Variants in SBNO1 observed in about 807,000 individuals in gnomAD.
The protein encoded by SBNO1 is strawberry notch homolog 1, also known as protein strawberry notch homolog 1.
SBNO1 carries 23 observed loss-of-function variants against 173.6 expected under a neutral mutation model. The ratio of observed to expected loss-of-function variants is 0.13; its 90% CI spans 0.10 to 0.19. SBNO1 has a LOEUF of 0.19. SBNO1 is among the 10% of genes least tolerant of loss of function. The pLI is 1.00. For synonymous variants in SBNO1, 632 were observed against 571.5 expected (o/e 1.11, Z -1.51); for missense variants, 1,238 against 1,671.2 (o/e 0.74, Z 4.52).
At chr12:123,359,898 AT>A (rs1404081997) in intron 1 of SBNO1, among the ~76,000 whole-genome samples, 5 of 152,202 alleles carry the variant, frequency 3.3e-5, no homozygotes, top group Non-Finnish European at 7.3e-5. Flanking sequence ...GGATTACATC[AT>A]TTTAGATAGT....
At chr12:123,300,617 C>G (rs926272081) in intron 30 of SBNO1, among the ~76,000 whole-genome samples, 1 of 151,826 alleles carries the variant, frequency 6.6e-6, no homozygotes, top group Non-Finnish European at 1.5e-5. Context: ...GAGATCACAC[C>G]ACTGCACTCC....
intron 16 of SBNO1, among the ~76,000 whole-genome samples, chr12:123,322,813 G>C (rs1870142599): frequency 6.6e-6 from 1 of 151,462 alleles, no homozygotes; most frequent in East Asian, 2.0e-4. Context: ...CCAGGAGGCA[G>C]AGGTTGCAGT....
intron 30 of SBNO1, among the ~76,000 whole-genome samples, chr12:123,301,929 G>C (rs1025152466): frequency 1.6e-4 from 24 of 150,840 alleles, no homozygotes; most frequent in Admixed American, 1.4e-3. Flanking sequence ...ACAGAAGGAG[G>C]GCGAAAAAGT....
chr12:123,360,318 G>C (rs1479345839), intron 1 of SBNO1, among the ~76,000 whole-genome samples: 1 of 152,110 alleles, frequency 6.6e-6, no homozygotes, highest in Non-Finnish European at 1.5e-5. Flanking sequence ...GAGCCTCATG[G>C]AATGTGAGGT....
rs1869887702 is a variant in SBNO1, at chr12:123,320,941, G to GAA, written c.2324-77_2324-76dup. The GAA allele has an allele frequency of 2.4e-6, 3 of 1,230,306 alleles. No homozygotes were observed. The South Asian group carries it at 4.7e-5, about 19-fold the overall frequency. 76.2% of individuals were successfully genotyped at this position (1,230,306 alleles called of 1,614,324 possible). ...AGAATCTTCAAAGGAAACAACCTTT[G>GAA]AAATTTTATTTTTTTGAGACAATGT... On this transcript the variant is annotated intron_variant, in intron 17 of 31. Coordinates refer to ENST00000602398, the MANE Select transcript of SBNO1 (RefSeq NM_001167856.3).
In SBNO1 at chr12:123,343,839, CTTTG is replaced by C. The variant is rs573240809; in HGVS notation, c.550+1415_550+1418del. Among the ~76,000 whole-genome samples the C allele has an allele frequency of 1.6e-4, 25 of 152,218 alleles. 1 individual carries two copies. The South Asian group carries it at 5.2e-3, about 32-fold the overall frequency. Reference sequence around the variant, plus strand: ...GCATGAGCCACCGCGTCCGGCCCATCTTTGTTTCTTAGTCCTGACCTAGCTTGAC... The same window carrying C: ...GCATGAGCCACCGCGTCCGGCCCATCTTTCTTAGTCCTGACCTAGCTTGAC... On this transcript the variant is annotated intron_variant, in intron 4 of 31. Transcript: ENST00000602398.
In SBNO1 at chr12:123,364,822, C is replaced by T. The variant is rs557461779; in HGVS notation, c.-122G>A. ...AGCAGCGGCGTCCTGCTCTGCCTACCTCCCCGCCGCCATCTTGACGCCCCT... is the reference window on the plus strand; with the variant it reads ...AGCAGCGGCGTCCTGCTCTGCCTACTTCCCCGCCGCCATCTTGACGCCCCT... On this transcript the variant is annotated 5_prime_UTR_variant, in exon 1 of 32. Transcript: ENST00000602398. 9.7e-4 allele frequency: 944 copies of T among 973,596 alleles called. No individual in the cohort carries two copies. The highest frequency in any genetic ancestry group is 1.1e-3 in the Non-Finnish European group (893 of 819,212). The allele number at this position is 973,596 out of a possible 1,614,324, so 60.3% of individuals were successfully genotyped here. A position where few individuals can be genotyped will look rare whatever the true frequency, so the allele number is the denominator to read the frequency against.
rs1209591406 is a variant in SBNO1, at chr12:123,328,774, T to C, written c.1256A>G (p.Lys419Arg). The C allele has an allele frequency of 6.2e-7, 1 of 1,602,300 alleles. No homozygotes were observed. The highest frequency in any genetic ancestry group is 1.1e-5 in the South Asian group (1 of 89,042). The change falls in exon 10 of 32, where the codon AAA becomes AGA. Residue 419 changes from lysine to arginine, a missense_variant. Physicochemically the swap from Lys to Arg is conservative, Grantham distance 26. This residue lies in a region of SBNO1 where 182 missense variants were observed against 339.9 expected (regional missense o/e 0.54). Transcript: ENST00000602398. ...ATCACCGCACCAATGCAGAAGTTGT[T>C]TTAACCTAGTTTTATACTTGCCGCC... The part of the protein sequence containing the change: ...QSGGKYKTRL[K>R]QLLHWCGDDF...
In SBNO1 at chr12:123,298,031, T is replaced by C; in HGVS notation, c.3986A>G (p.Asn1329Ser). 1 of 1,614,126 alleles carries C rather than the reference T, an allele frequency of 6.2e-7. No individual in the cohort carries two copies. The highest frequency in any genetic ancestry group is 8.5e-7 in the Non-Finnish European group (1 of 1,180,004). ...TAGCCGCACGATCTGCATCTTCACG[T>C]TTGTGCCACTGACAGATGCTAGAAC... ...EGVLASVSGT[N>S]VKMQIVRLRT... Residue 1329 changes from asparagine to serine, a missense_variant, in exon 31 of 32, where the codon AAC becomes AGC. Physicochemically the swap from Asn to Ser is conservative, Grantham distance 46. Transcript: ENST00000602398.
intron 13 of SBNO1, 23 bp downstream of exon 13, chr12:123,327,403 A>G (rs1291665769): frequency 1.9e-6 from 3 of 1,596,932 alleles, no homozygotes; most frequent in Non-Finnish European, 2.6e-6. Context: ...AATAAACACT[A>G]GGAATTAAGA....
intron 30 of SBNO1, among the ~76,000 whole-genome samples, chr12:123,301,944 TG>T (rs62816561): frequency 0.049 from 7,292 of 148,616 alleles, 304 homozygotes; most frequent in East Asian, 0.25. Context: ...AAAAGTGGTT[TG>T]TTTTTTTTTT....
intron 13 of SBNO1, 106 bp downstream of exon 13, chr12:123,327,320 A>G (rs1047394052): frequency 8.6e-6 from 8 of 935,664 alleles, no homozygotes; most frequent in African/African-American, 5.0e-5. Flanking sequence ...GTTGTTTTAT[A>G]GTAGAAATAC....
intron 1 of SBNO1, among the ~76,000 whole-genome samples, chr12:123,355,309 A>C (rs1307498093): frequency 6.6e-6 from 1 of 151,910 alleles, no homozygotes; most frequent in Non-Finnish European, 1.5e-5. Flanking sequence ...ATAAGCCACC[A>C]TGCCCAGCTG....
intron 28 of SBNO1, among the ~76,000 whole-genome samples, chr12:123,308,140 G>A (rs1442881017): frequency 2.0e-5 from 3 of 152,130 alleles, no homozygotes; most frequent in East Asian, 3.8e-4. Context: ...AATTTCTGTT[G>A]TCTTGGATCT....
At chr12:123,341,117 A>G (rs541058724) in intron 4 of SBNO1, 29 bp from the exon 5 acceptor site, 2 of 1,287,764 alleles carry the variant, frequency 1.6e-6, no homozygotes, top group Admixed American at 4.7e-5. Context: ...AATTACATTT[A>G]GAAGAAAATT....
Position 123,291,774 on chromosome 12 carries a change from C to G in SBNO1, c.*4134G>C, listed in dbSNP as rs1179368150. 6.8e-6 allele frequency: 1 copy of G among 146,862 alleles called. No homozygotes were observed. Among genetic ancestry groups the G allele is most frequent in the Non-Finnish European group, 1.5e-5 (1 of 66,938 alleles). The allele number at this position is 146,862 out of a possible 1,614,324, so 9.1% of individuals were successfully genotyped here. ...GAAGGGAAGAGGGAAAAGGGAGAAA[C>G]AGGTGGGCAGAGTCCCAATTTACAA... On this transcript the variant is annotated 3_prime_UTR_variant, in exon 32 of 32. Transcript: ENST00000602398.
At chr12:123,348,173 G>A in intron 2 of SBNO1, 40 bp from the exon 3 acceptor site, 1 of 1,104,216 alleles carries the variant, frequency 9.1e-7, no homozygotes, top group South Asian at 1.3e-5. Context: ...TAAAAGGACA[G>A]CAGTAAATTC....
intron 1 of SBNO1, chr12:123,364,434 G>A (rs1404043547): frequency 2.0e-6 from 2 of 985,430 alleles, no homozygotes; most frequent in Non-Finnish European, 2.4e-6. Flanking sequence ...GGGGCTCCCG[G>A]AGCCCGAAAG....
chr12:123,364,106 G>A lies in SBNO1; in HGVS notation c.-1+595C>T, dbSNP rs1275545984. On this transcript the variant is annotated intron_variant, in intron 1 of 31. Coordinates refer to ENST00000602398, the MANE Select transcript of SBNO1 (RefSeq NM_001167856.3). ...GGCAGAACTAAGCGAGTCGCCTGGA[G>A]AGGCGTGAAGGGAGCCTGCACGTGT... is the stretch of plus-strand genomic sequence containing the variant. The A allele has an allele frequency of 8.1e-6, 8 of 985,562 alleles. No individual in the cohort carries two copies. In the Admixed American group the frequency reaches 1.8e-4, roughly 23 times the overall value. The allele number at this position is 985,562 out of a possible 1,614,324, so 61.1% of individuals were successfully genotyped here.
Sources: gnomAD v4.1 joint callset for allele counts (sites outside exome capture counted in the v4.1 genomes callset) on GRCh38, gnomAD v4.1.1 for gene constraint, gnomAD v4.1.1 regional missense constraint, MANE v1.5 for transcripts, NCBI Gene and HGNC (gene_info 2026-07-23, HGNC 2026-07-21) for gene names.